Variants in TAX1BP1 observed in about 807,000 individuals in gnomAD.
The protein encoded by TAX1BP1 is tax1-binding protein 1.
A neutral mutation model predicts 97.7 loss-of-function variants in TAX1BP1; 62 were observed. That is an observed-to-expected ratio of 0.63 (90% confidence interval 0.52 to 0.78). The LOEUF (loss-of-function observed/expected upper bound fraction) is 0.78, where lower values mean the gene tolerates loss of function less well. Ranked by LOEUF, TAX1BP1 falls within the 30% of genes least tolerant of loss-of-function variation. The probability of loss-of-function intolerance (pLI) is 0.00; values close to 1 mark genes in which losing one functional copy is unlikely to be tolerated. For synonymous variants in TAX1BP1, 340 were observed against 304.2 expected (o/e 1.12, Z -1.23); for missense variants, 867 against 916.1 (o/e 0.95, Z 0.69).
Position 27,787,474 on chromosome 7 carries a change from T to C in TAX1BP1, c.909T>C (p.Thr303=), listed in dbSNP as rs1008821584. Residue 303 remains threonine, a synonymous_variant, in exon 8 of 17, where the codon ACT becomes ACC. Coordinates refer to ENST00000396319, the MANE Select transcript of TAX1BP1 (RefSeq NM_006024.7). ...CCAAGCTTATGTCAGAGGTCCAGAC[T>C]TTAAAAAATTTAGATGGGAACAAAG... ...ENTKLMSEVQ[T]LKNLDGNKES... 66 of 1,613,432 alleles carry C rather than the reference T, an allele frequency of 4.1e-5. No homozygotes were observed. Among genetic ancestry groups the C allele is most frequent in the Non-Finnish European group, 5.2e-5 (61 of 1,179,696 alleles).
At chr7:27,771,109 T>C (rs1788831292) in intron 5 of TAX1BP1, among the ~76,000 whole-genome samples, 1 of 125,740 alleles carries the variant, frequency 8.0e-6, no homozygotes, top group Non-Finnish European at 1.6e-5. Context: ...TTTTTTTTTT[T>C]TTTTTTTTTT....
At chr7:27,795,554 T>C (rs1789891520) in intron 11 of TAX1BP1, among the ~76,000 whole-genome samples, 1 of 152,100 alleles carries the variant, frequency 6.6e-6, no homozygotes, top group African/African-American at 2.4e-5. Context: ...TAGCAAATTT[T>C]GTTTTGTTTT....
intron 3 of TAX1BP1, among the ~76,000 whole-genome samples, chr7:27,764,917 C>T (rs1445872679): frequency 6.8e-6 from 1 of 147,970 alleles, no homozygotes; most frequent in Non-Finnish European, 1.5e-5. Context: ...CATGCTCCAC[C>T]CCTCTCTTAA....
intron 16 of TAX1BP1, 61 bp from the exon 17 acceptor site, chr7:27,828,567 T>G: frequency 6.6e-7 from 1 of 1,514,714 alleles, no homozygotes; most frequent in Non-Finnish European, 9.1e-7. Flanking sequence ...TTGTCATATA[T>G]GGACAAGTTG....
intron 15 of TAX1BP1, among the ~76,000 whole-genome samples, chr7:27,818,311 G>A (rs116442952): frequency 1.2e-4 from 18 of 152,112 alleles, no homozygotes; most frequent in African/African-American, 4.3e-4. Context: ...TGCACACCTC[G>A]AGTAACTTTA....
chr7:27,765,649 A>T (rs1788603100), intron 3 of TAX1BP1, among the ~76,000 whole-genome samples, 185 bp from the exon 4 acceptor site: 1 of 152,194 alleles, frequency 6.6e-6, no homozygotes, highest in African/African-American at 2.4e-5. Flanking sequence ...TAAGAGAAGA[A>T]AAAATTTAAC....
intron 2 of TAX1BP1, among the ~76,000 whole-genome samples, chr7:27,752,282 G>T (rs137857175): frequency 7.4e-4 from 112 of 152,320 alleles, no homozygotes; most frequent in African/African-American, 2.6e-3. Flanking sequence ...ATCTCAGTAA[G>T]GAGGAGCAAG....
chr7:27,776,868 AATTTT>A (rs1789053215), intron 5 of TAX1BP1, among the ~76,000 whole-genome samples: 1 of 150,492 alleles, frequency 6.6e-6, no homozygotes, highest in South Asian at 2.1e-4. Context: ...TAAATAGTTA[AATTTT>A]ATTTGTCTCC....
Position 27,765,822 on chromosome 7 carries a change from A to G in TAX1BP1, c.266-12A>G. On this transcript the variant is annotated splice_polypyrimidine_tract_variant and intron_variant, in intron 3 of 16. Transcript: ENST00000396319. ...GGAAGTTTAATAATTTTGTTTGTTA[A>G]CTTCCTCTTAGGATATTACCTTCCA... The G allele has an allele frequency of 6.3e-7, 1 of 1,594,320 alleles. No homozygotes were observed. Among genetic ancestry groups the G allele is most frequent in the Non-Finnish European group, 8.6e-7 (1 of 1,168,334 alleles).
chr7:27,786,463 G>A (rs1789486678), intron 7 of TAX1BP1, among the ~76,000 whole-genome samples: 1 of 152,130 alleles, frequency 6.6e-6, no homozygotes, highest in Non-Finnish European at 1.5e-5. Flanking sequence ...GAAATATAGG[G>A]TAGTTAGCTT....
Position 27,829,728 on chromosome 7 carries a change from T to TAACA in TAX1BP1, c.*900_*903dup, listed in dbSNP as rs1034499999. Reference sequence around the variant, plus strand: ...TGTCTGTGCTGTATAGAACTGTCACTAACATTAAAGAAAGAGGACACATTT... The same window carrying TAACA: ...TGTCTGTGCTGTATAGAACTGTCACTAACAAACATTAAAGAAAGAGGACACATTT... On this transcript the variant is annotated 3_prime_UTR_variant, in exon 17 of 17. Transcript: ENST00000396319. The TAACA allele has an allele frequency of 3.5e-4, 53 of 152,206 alleles. No homozygotes were observed. Among genetic ancestry groups the TAACA allele is most frequent in the Non-Finnish European group, 6.0e-4 (41 of 68,004 alleles). The allele number at this position is 152,206 out of a possible 1,614,324, so 9.4% of individuals were successfully genotyped here. A position where few individuals can be genotyped will look rare whatever the true frequency, so the allele number is the denominator to read the frequency against.
At position 27,816,335 on chromosome 7, in the gene TAX1BP1, T is replaced by G. The variant is rs780963934; in HGVS notation, c.1765-14T>G. On this transcript the variant is annotated splice_polypyrimidine_tract_variant and intron_variant, in intron 13 of 16. Transcript: ENST00000396319. Reference sequence around the variant, plus strand: ...ATTGCTTTGCTTATTCATCTTTGTTTTTGTTAATTTTAGGAACTTAAAAGG... The same window carrying G: ...ATTGCTTTGCTTATTCATCTTTGTTGTTGTTAATTTTAGGAACTTAAAAGG... 1 of 1,544,840 alleles carries G rather than the reference T, an allele frequency of 6.5e-7. No individual in the cohort carries two copies. Among genetic ancestry groups the G allele is most frequent in the South Asian group, 1.3e-5 (1 of 77,254 alleles).
Position 27,825,493 on chromosome 7 carries a change from G to A in TAX1BP1, c.2086-2245G>A, listed in dbSNP as rs575764475. Among the ~76,000 whole-genome samples, 566 of 152,184 alleles carry A rather than the reference G, an allele frequency of 3.7e-3. 6 individuals carry two copies. Among genetic ancestry groups the A allele is most frequent in the Non-Finnish European group, 4.8e-3 (329 of 67,986 alleles). On this transcript the variant is annotated intron_variant, in intron 15 of 16. Coordinates refer to ENST00000396319, the MANE Select transcript of TAX1BP1 (RefSeq NM_006024.7). Reference sequence around the variant, plus strand: ...CCTATGCTCTGGGTAGATGGTTCATGTTTTATTTCATGAGAACTTATTGTT... The same window carrying A: ...CCTATGCTCTGGGTAGATGGTTCATATTTTATTTCATGAGAACTTATTGTT...
At chr7:27,798,385 TG>T (rs1562729937) in intron 12 of TAX1BP1, among the ~76,000 whole-genome samples, 2 of 151,924 alleles carry the variant, frequency 1.3e-5, no homozygotes, top group Admixed American at 1.3e-4. Context: ...AATTACCTCC[TG>T]GGTGCAGTGG....
Position 27,827,733 on chromosome 7 carries a change from C to T in TAX1BP1, c.2086-5C>T, listed in dbSNP as rs371103037. On this transcript the variant is annotated splice_polypyrimidine_tract_variant and splice_region_variant and intron_variant, in intron 15 of 16. Coordinates refer to ENST00000396319, the MANE Select transcript of TAX1BP1 (RefSeq NM_006024.7). ...TTAAAAGTTCCAAAATTATTTTTCC[C>T]CTAGGAAGATGAGAATGTGCCTACT... 328 of 1,608,528 alleles carry T rather than the reference C, an allele frequency of 2.0e-4. No individual in the cohort carries two copies. Among genetic ancestry groups the T allele is most frequent in the Admixed American group, 3.2e-4 (19 of 59,348 alleles).
intron 5 of TAX1BP1, among the ~76,000 whole-genome samples, chr7:27,780,693 T>G (rs1040666190): frequency 1.1e-4 from 17 of 152,186 alleles, no homozygotes; most frequent in African/African-American, 4.1e-4. Flanking sequence ...TACAAAAGGC[T>G]TAATTTTAAT....
At chr7:27,823,444 C>G (rs1474869356) in intron 15 of TAX1BP1, among the ~76,000 whole-genome samples, 1 of 152,088 alleles carries the variant, frequency 6.6e-6, no homozygotes, top group Admixed American at 6.6e-5. Flanking sequence ...ATTACTAATT[C>G]CTGAATGATA....
At chr7:27,815,722 T>C (rs1342188645) in intron 13 of TAX1BP1, among the ~76,000 whole-genome samples, 1 of 152,146 alleles carries the variant, frequency 6.6e-6, no homozygotes, top group Non-Finnish European at 1.5e-5. Context: ...AGTGATAGAA[T>C]TCACGTTTTT....
intron 1 of TAX1BP1, among the ~76,000 whole-genome samples, chr7:27,743,211 C>T (rs1361933335): frequency 6.6e-6 from 1 of 152,216 alleles, no homozygotes; most frequent in East Asian, 1.9e-4. Flanking sequence ...GGGATGTCTG[C>T]AAGGGTGCAA....
Sources: allele counts gnomAD v4.1 joint callset (sites outside exome capture counted in the v4.1 genomes callset), GRCh38; gene constraint gnomAD v4.1.1; transcripts MANE v1.5; gene names NCBI Gene and HGNC (gene_info 2026-07-23, HGNC 2026-07-21).